Variants in SORL1 observed in about 807,000 individuals in gnomAD.
SORL1 encodes sortilin-related receptor.
A neutral mutation model predicts 273.7 loss-of-function variants in SORL1; 127 were observed. That is an observed-to-expected ratio of 0.46 (90% CI 0.40 to 0.54). The LOEUF is 0.54. Ranked by LOEUF, SORL1 falls within the 20% of genes least tolerant of loss-of-function variation. The pLI is 0.00. For missense variants in SORL1, 2,494 were observed against 2,846.1 expected (o/e 0.88, Z 2.81); for synonymous variants, 1,031 against 1,067.4 (o/e 0.97, Z 0.66).
At chr11:121,569,712 A>G (rs145764749) in intron 22 of SORL1, among the ~76,000 whole-genome samples, 1,794 of 152,270 alleles carry the variant, frequency 0.012, 42 homozygotes, top group African/African-American at 0.041. Context: ...TAGCAATTTT[A>G]ATTTCGCCCC....
intron 12 of SORL1, among the ~76,000 whole-genome samples, chr11:121,533,946 C>T (rs751223876): frequency 1.2e-4 from 18 of 152,328 alleles, no homozygotes; most frequent in Admixed American, 2.6e-4. Flanking sequence ...GCTCAGACAA[C>T]GACCATCACA....
intron 13 of SORL1, among the ~76,000 whole-genome samples, chr11:121,544,255 T>C (rs1371967058): frequency 1.3e-5 from 2 of 152,160 alleles, no homozygotes; most frequent in Non-Finnish European, 2.9e-5. Context: ...CTAACCTGAT[T>C]CTAGCTGCCC....
At chr11:121,532,695 T>G in intron 12 of SORL1, 143 bp downstream of exon 12, 1 of 692,960 alleles carries the variant, frequency 1.4e-6, no homozygotes, top group Non-Finnish European at 2.4e-6. Flanking sequence ...AACTTTTTTT[T>G]TTTTTTTTGA....
chr11:121,490,090 A>G lies in SORL1; in HGVS notation c.738A>G (p.Glu246=), dbSNP rs758119479. 6.2e-7 allele frequency: 1 copy of G among 1,613,416 alleles called. No homozygotes were observed. The highest frequency in any genetic ancestry group is 1.1e-5 in the South Asian group (1 of 91,072). The change falls in exon 5 of 48, where the codon GAA becomes GAG. Residue 246 remains glutamate, a synonymous_variant. Transcript: ENST00000260197. ...GCCAGACCTGGATCATGATTCAGGA[A>G]CATGTCAAGTCCTTTTCTTGGTAAG... The part of the protein sequence containing the change: ...DFGQTWIMIQ[E]HVKSFSWGID...
intron 47 of SORL1, among the ~76,000 whole-genome samples, chr11:121,628,040 G>A (rs951376568): frequency 6.6e-6 from 1 of 152,132 alleles, no homozygotes; most frequent in African/African-American, 2.4e-5. Flanking sequence ...CCAAAGTATC[G>A]GAAAATCCTC....
At chr11:121,538,803 C>T (rs746681966) in intron 12 of SORL1, among the ~76,000 whole-genome samples, 2 of 152,008 alleles carry the variant, frequency 1.3e-5, no homozygotes, top group Non-Finnish European at 2.9e-5. Context: ...CTCAGCCTCC[C>T]GAGTAGCTGG....
chr11:121,468,000 G>A (rs1280789513), intron 1 of SORL1, among the ~76,000 whole-genome samples: 3 of 152,180 alleles, frequency 2.0e-5, no homozygotes, highest in Middle Eastern at 3.2e-3. Context: ...AAGTAACGTC[G>A]TTAAGGATTA....
chr11:121,531,128 C>G (rs1022882174), intron 11 of SORL1, among the ~76,000 whole-genome samples: 4 of 152,178 alleles, frequency 2.6e-5, no homozygotes, highest in African/African-American at 9.7e-5. Flanking sequence ...TATGGTGGCT[C>G]ATGCCTATAA....
chr11:121,472,730 G>A (rs1194161197), intron 2 of SORL1, among the ~76,000 whole-genome samples: 1 of 152,234 alleles, frequency 6.6e-6, no homozygotes, highest in Non-Finnish European at 1.5e-5. Context: ...TAGAGCCGAG[G>A]TGGGCAGATC....
chr11:121,484,589 G>T (rs760268918), intron 3 of SORL1, among the ~76,000 whole-genome samples: 15 of 152,122 alleles, frequency 9.9e-5, no homozygotes, highest in Non-Finnish European at 1.6e-4. Context: ...GACTTGGGAC[G>T]TGGGGAGGGA....
At chr11:121,474,734 T>A (rs1340053595) in intron 2 of SORL1, among the ~76,000 whole-genome samples, 1 of 152,190 alleles carries the variant, frequency 6.6e-6, no homozygotes, top group East Asian at 1.9e-4. Context: ...CAAATTCACC[T>A]GGAGATGGTA....
chr11:121,605,486 C>A lies in SORL1; in HGVS notation c.4863C>A (p.Thr1621=). ...NTVLKVLKPD[T]TYQVKVQVQC... ...TATTAAAAGTCTTGAAACCAGATAC[C>A]ACGTATCAGGTTAAAGTACAGGTTC... Residue 1621 remains threonine (T), a synonymous_variant, in exon 35 of 48, where the codon ACC becomes ACA. Coordinates refer to ENST00000260197, the MANE Select transcript of SORL1 (RefSeq NM_003105.6). 6.2e-7 allele frequency: 1 copy of A among 1,613,222 alleles called. No homozygotes were observed. Among genetic ancestry groups the A allele is most frequent in the Non-Finnish European group, 8.5e-7 (1 of 1,179,196 alleles).
chr11:121,496,774 G>A (rs1455048992), intron 5 of SORL1, 95 bp from the exon 6 acceptor site: 5 of 970,390 alleles, frequency 5.2e-6, no homozygotes, highest in Non-Finnish European at 7.6e-6. Context: ...ACCATGGTAG[G>A]CCTAAACTCT....
chr11:121,458,671 C>T (rs79308088), intron 1 of SORL1, among the ~76,000 whole-genome samples: 4,469 of 152,240 alleles, frequency 0.029, 97 homozygotes, highest in Middle Eastern at 0.051. Flanking sequence ...CAGTTAATTT[C>T]GACCTAATTT....
rs57842880 is a variant in SORL1, at chr11:121,502,124, C to CTTTTTTTTTTTTTTTT, written c.939+5089_939+5104dup. On this transcript the variant is annotated intron_variant, in intron 6 of 47. Transcript: ENST00000260197. Reference sequence around the variant, plus strand: ...GTAACTACTGGGTCATGTGACAATTCTTTTTTTTTTTTTTTTTTTTTTTTT... The same window carrying CTTTTTTTTTTTTTTTT: ...GTAACTACTGGGTCATGTGACAATTCTTTTTTTTTTTTTTTTTTTTTTTTTTTTTTTTTTTTTTTTT... Among the ~76,000 whole-genome samples, 6 of 65,188 alleles carry CTTTTTTTTTTTTTTTT rather than the reference C, an allele frequency of 9.2e-5. 2 individuals carry two copies. Among genetic ancestry groups the CTTTTTTTTTTTTTTTT allele is most frequent in the East Asian group, 4.6e-4 (1 of 2,152 alleles). The allele number at this position is 65,188 out of a possible 152,430, so 42.8% of individuals were successfully genotyped here.
At chr11:121,620,896 T>A (rs1374644057) in intron 43 of SORL1, among the ~76,000 whole-genome samples, 168 bp from the exon 44 acceptor site, 1 of 152,214 alleles carries the variant, frequency 6.6e-6, no homozygotes, top group Non-Finnish European at 1.5e-5. Context: ...TAAGATTGGA[T>A]CTGGTCACTC....
intron 8 of SORL1, among the ~76,000 whole-genome samples, chr11:121,517,802 A>C (rs1861977867): frequency 6.6e-6 from 1 of 152,220 alleles, no homozygotes; most frequent in African/African-American, 2.4e-5. Context: ...AGGACTAGAG[A>C]GGTTCCATTA....
chr11:121,460,491 G>A (rs928154106), intron 1 of SORL1, among the ~76,000 whole-genome samples: 1 of 151,102 alleles, frequency 6.6e-6, no homozygotes, highest in African/African-American at 2.4e-5. Flanking sequence ...TGCCTCCCAG[G>A]TTCAGGCGAT....
At chr11:121,626,650 C>T (rs935703379) in intron 46 of SORL1, 20 of 152,262 alleles carry the variant, frequency 1.3e-4, no homozygotes, top group African/African-American at 3.9e-4. Context: ...CTCCCGACAC[C>T]AGGGAGCAAC....
Sources: allele counts gnomAD v4.1 joint callset (sites outside exome capture counted in the v4.1 genomes callset), GRCh38; gene constraint gnomAD v4.1.1; transcripts MANE v1.5; gene names NCBI Gene and HGNC (gene_info 2026-07-23, HGNC 2026-07-21).